The following ACOT7 variants were observed in gnomAD, a reference collection of about 807,000 sequenced individuals.
ACOT7 encodes the protein cytosolic acyl coenzyme A thioester hydrolase.
ACOT7 carries 12 observed loss-of-function variants against 40.2 expected under a neutral mutation model. That is an observed-to-expected ratio of 0.30 (90% CI 0.19 to 0.48). The LOEUF (loss-of-function observed/expected upper bound fraction) is 0.48, where lower values mean the gene tolerates loss of function less well. ACOT7 is among the 20% of genes least tolerant of loss of function. The pLI is 0.99. For synonymous variants in ACOT7, 228 were observed against 219.5 expected, an observed-to-expected ratio of 1.04 and a Z score of -0.34; for missense variants, 395 against 530.8, an observed-to-expected ratio of 0.74 and a Z score of 2.51.
intron 7 of ACOT7, among the ~76,000 whole-genome samples, chr1:6,284,728 C>T (rs537859284): frequency 2.0e-5 from 3 of 152,180 alleles, no homozygotes; most frequent in African/African-American, 7.2e-5. Context: ...TCCCTGGGGA[C>T]GGAGGTCCAT....
chr1:6,350,268 C>T (rs777653581), intron 1 of ACOT7, among the ~76,000 whole-genome samples: 6 of 152,294 alleles, frequency 3.9e-5, no homozygotes, highest in South Asian at 2.1e-4. Context: ...TTCCCGGGAC[C>T]ACCACCACCC....
rs781390925 is a variant in ACOT7 at position 6,281,178 on chromosome 1, T to C, written c.938A>G (p.Tyr313Cys). Residue 313 changes from tyrosine (Y) to cysteine (C), a missense_variant, in exon 8 of 9, where the codon TAC (tyrosine) becomes TGC (cysteine). Tyr to Cys is a radical substitution (Grantham distance 194, BLOSUM62 -2). Transcript: ENST00000361521. Reference protein sequence around the residue: ...DPVVDSSQKRYRAASAFFTYV... With the variant: ...DPVVDSSQKRCRAASAFFTYV... ...GGTGAAGAAGGCACTGGCGGCCCGG[T>C]AGCGCTTCTGAGAGCTGTCCACAAC... The C allele has an allele frequency of 1.9e-6, 3 of 1,614,076 alleles. No homozygotes were observed. The highest frequency in any genetic ancestry group is 2.5e-6 in the Non-Finnish European group (3 of 1,180,036).
intron 6 of ACOT7, among the ~76,000 whole-genome samples, chr1:6,310,539 C>T (rs1290497220): frequency 6.6e-6 from 1 of 152,222 alleles, no homozygotes; most frequent in African/African-American, 2.4e-5. Context: ...TGGGAGATTG[C>T]TGGACATAGG....
chr1:6,329,886 G>C (rs1364726381), intron 4 of ACOT7, among the ~76,000 whole-genome samples: 1 of 152,180 alleles, frequency 6.6e-6, no homozygotes, highest in Non-Finnish European at 1.5e-5. Context: ...GGTCATCCTG[G>C]GGCCCCTCGG....
intron 8 of ACOT7, among the ~76,000 whole-genome samples, chr1:6,269,104 T>C (rs1638944797): frequency 6.6e-6 from 1 of 152,140 alleles, no homozygotes; most frequent in Non-Finnish European, 1.5e-5. Flanking sequence ...AGCACAGAAA[T>C]GATTGTCCAC....
intron 5 of ACOT7, among the ~76,000 whole-genome samples, chr1:6,325,492 C>CT (rs1557651435): frequency 6.6e-6 from 1 of 151,942 alleles, no homozygotes; most frequent in South Asian, 2.1e-4. Context: ...TTCTTTCTTT[C>CT]TTTTTTTGGT....
At chr1:6,335,476 G>C (rs1473069393) in intron 3 of ACOT7, among the ~76,000 whole-genome samples, 1 of 152,146 alleles carries the variant, frequency 6.6e-6, no homozygotes, top group Non-Finnish European at 1.5e-5. Flanking sequence ...CTGGGCGACA[G>C]AGCGAGGCCC....
At position 6,281,255 on chromosome 1, in the gene ACOT7, G is replaced by C. The variant is rs1431278130; in HGVS notation, c.861C>G (p.Thr287=). The C allele has an allele frequency of 1.2e-6, 2 of 1,613,712 alleles. No homozygotes were observed. Among genetic ancestry groups the C allele is most frequent in the Non-Finnish European group, 8.5e-7 (1 of 1,180,000 alleles). Residue 287 remains threonine, a synonymous_variant, in exon 8 of 9, where the codon ACC becomes ACG. Coordinates refer to ENST00000361521, the MANE Select transcript of ACOT7 (RefSeq NM_007274.4). ...TCTCCATGGACTTATTGCTCGTGAA[G>C]GTCATGCGTCCCGAGATGGTGATGA... ...GCVITISGRM[T]FTSNKSMEIE... is the part of the protein sequence containing the mutation.
intron 5 of ACOT7, among the ~76,000 whole-genome samples, chr1:6,326,871 G>C (rs1395074415): frequency 6.6e-6 from 1 of 150,976 alleles, no homozygotes; most frequent in Non-Finnish European, 1.5e-5. Flanking sequence ...GGCAGAGGCT[G>C]CAGTGAGCCA....
intron 5 of ACOT7, among the ~76,000 whole-genome samples, chr1:6,319,489 A>G (rs534352475): frequency 9.5e-4 from 145 of 152,312 alleles, no homozygotes; most frequent in African/African-American, 3.3e-3. Context: ...CACCTTGCCC[A>G]GCCCAATATA....
chr1:6,375,674 C>T (rs534487715), intron 1 of ACOT7, among the ~76,000 whole-genome samples: 6 of 151,968 alleles, frequency 3.9e-5, no homozygotes, highest in African/African-American at 1.2e-4. Context: ...CAGTGGCTCA[C>T]GCCTGTAATC....
Position 6,358,720 on chromosome 1 carries a change from C to T in ACOT7, c.144-8854G>A. 8.5e-7 allele frequency: 1 copy of T among 1,177,272 alleles called. No homozygotes were observed. Among genetic ancestry groups the T allele is most frequent in the Admixed American group, 1.9e-5 (1 of 52,776 alleles). 72.9% of individuals were successfully genotyped at this position (1,177,272 alleles called of 1,614,324 possible). On this transcript the variant is annotated intron_variant, in intron 1 of 8. Transcript: ENST00000361521. The surrounding 1 kb of genome is among the most constrained non-coding windows in gnomAD (Gnocchi z 4.1). ...GCATGACACCAGCCAGCCTGCTGGGCACAGGGGCCGAGTCCCCTCTACCCA... is the reference window on the plus strand; with the variant it reads ...GCATGACACCAGCCAGCCTGCTGGGTACAGGGGCCGAGTCCCCTCTACCCA...
intron 1 of ACOT7, among the ~76,000 whole-genome samples, chr1:6,365,104 A>C (rs1004637070): frequency 1.3e-5 from 2 of 152,148 alleles, no homozygotes; most frequent in African/African-American, 4.8e-5. Context: ...TGAGCAAGGG[A>C]GGCTGGACAA....
chr1:6,389,465 T>G (rs1642498406), intron 1 of ACOT7, among the ~76,000 whole-genome samples: 1 of 152,120 alleles, frequency 6.6e-6, no homozygotes, highest in Non-Finnish European at 1.5e-5. Flanking sequence ...GACCTACTAG[T>G]AAATTGATGT....
At chr1:6,300,554 C>A (rs1314130244) in intron 6 of ACOT7, among the ~76,000 whole-genome samples, 8 of 145,856 alleles carry the variant, frequency 5.5e-5, no homozygotes, top group South Asian at 2.2e-4. Context: ...CTCACCGGAC[C>A]CCACCCGATC....
chr1:6,380,625 G>A (rs1475413381), intron 1 of ACOT7, among the ~76,000 whole-genome samples: 1 of 149,308 alleles, frequency 6.7e-6, no homozygotes, highest in Admixed American at 6.7e-5. Context: ...CTCTCAATGG[G>A]GAAAGACAAT....
At chr1:6,383,990 CA>C (rs1642396938) in intron 1 of ACOT7, among the ~76,000 whole-genome samples, 1 of 151,870 alleles carries the variant, frequency 6.6e-6, no homozygotes, top group African/African-American at 2.4e-5. Context: ...AGGTGTGAGC[CA>C]CCACGCCCAG....
intron 1 of ACOT7, among the ~76,000 whole-genome samples, chr1:6,375,937 C>CAAA (rs112245593): frequency 1.6e-5 from 2 of 127,298 alleles, no homozygotes; most frequent in Admixed American, 8.4e-5. Context: ...GACTCCACCT[C>CAAA]AAAAAAAAAA....
intron 3 of ACOT7, among the ~76,000 whole-genome samples, chr1:6,334,306 A>C (rs1641041702): frequency 6.6e-6 from 1 of 152,256 alleles, no homozygotes; most frequent in Non-Finnish European, 1.5e-5. Context: ...CGTCTTCTGC[A>C]GATCCCATCC....
Sources: allele counts gnomAD v4.1 joint callset (sites outside exome capture counted in the v4.1 genomes callset), GRCh38; gene constraint gnomAD v4.1.1; non-coding constraint Gnocchi (gnomAD v3.1); transcripts MANE v1.5; gene names NCBI Gene and HGNC (gene_info 2026-07-23, HGNC 2026-07-21).